SH3BGR: variants seen among roughly 807,000 people sequenced by gnomAD.
SH3BGR encodes SH3 domain binding glutamate rich protein.
SH3BGR carries 29 observed loss-of-function variants against 24.5 expected under a neutral mutation model. The ratio of observed to expected loss-of-function variants is 1.18; its 90% confidence interval spans 0.88 to 1.61. The LOEUF (loss-of-function observed/expected upper bound fraction) is 1.61, where lower values mean the gene tolerates loss of function less well. SH3BGR is among the 40% of genes most tolerant of loss of function. The probability of loss-of-function intolerance (pLI) is 0.00; values close to 1 mark genes in which losing one functional copy is unlikely to be tolerated. For synonymous variants in SH3BGR, 55 were observed against 65.7 expected, an observed-to-expected ratio of 0.84 and a Z score of 0.79; for missense variants, 162 against 205.8, an observed-to-expected ratio of 0.79 and a Z score of 1.30.
chr21:39,462,069 G>A (rs2077764477), intron 1 of SH3BGR, among the ~76,000 whole-genome samples: 1 of 151,944 alleles, frequency 6.6e-6, no homozygotes, highest in South Asian at 2.1e-4. Flanking sequence ...AGCTGGTGTC[G>A]AACCTCTGAC....
At chr21:39,469,483 T>A (rs1723436962) in intron 2 of SH3BGR, among the ~76,000 whole-genome samples, 1 of 151,574 alleles carries the variant, frequency 6.6e-6, no homozygotes, top group Non-Finnish European at 1.5e-5. Context: ...TTCTATACAC[T>A]TTTTTTTCCT....
chr21:39,456,271 CGA>C (rs1569148832), intron 1 of SH3BGR, among the ~76,000 whole-genome samples: 2 of 151,988 alleles, frequency 1.3e-5, no homozygotes, highest in African/African-American at 4.8e-5. Flanking sequence ...GGGTTTGGAC[CGA>C]ATAAAGGAGT....
intron 3 of SH3BGR, among the ~76,000 whole-genome samples, chr21:39,482,657 A>C (rs1289119734): frequency 6.6e-6 from 1 of 152,156 alleles, no homozygotes; most frequent in African/African-American, 2.4e-5. Context: ...AAATTTTCAT[A>C]ATGAAGAGCT....
intron 3 of SH3BGR, among the ~76,000 whole-genome samples, chr21:39,485,599 G>A (rs1243612658): frequency 3.3e-5 from 5 of 151,680 alleles, no homozygotes; most frequent in Non-Finnish European, 1.5e-5. Context: ...TGGATCTTGG[G>A]TTAGTCGTCT....
intron 4 of SH3BGR, among the ~76,000 whole-genome samples, chr21:39,500,927 T>C (rs2078484183): frequency 6.6e-6 from 1 of 152,320 alleles, no homozygotes. Flanking sequence ...TTTAGACTTA[T>C]ATTTGAAGTA....
chr21:39,505,540 A>G (rs112508136), intron 4 of SH3BGR, among the ~76,000 whole-genome samples: 12,813 of 152,154 alleles, frequency 0.084, 781 homozygotes, highest in African/African-American at 0.17. Context: ...AAGCGGGTGA[A>G]TCACCTGAAG....
intron 4 of SH3BGR, among the ~76,000 whole-genome samples, chr21:39,507,791 C>T (rs1283633522): frequency 6.6e-6 from 1 of 152,006 alleles, no homozygotes; most frequent in Non-Finnish European, 1.5e-5. Context: ...TAATTTTTAA[C>T]ATGTTTCATA....
chr21:39,494,231 C>CTCT (rs535727987), intron 3 of SH3BGR, among the ~76,000 whole-genome samples: 57,138 of 144,590 alleles, frequency 0.4, 12,091 homozygotes, highest in African/African-American at 0.54. Context: ...AGTCTTCTTC[C>CTCT]TCTTCTTCTT....
chr21:39,446,073 C>T (rs1480115404), exon 1 of SH3BGR: 7 of 152,028 alleles, frequency 4.6e-5, no homozygotes, highest in Admixed American at 2.6e-4. Context: ...AAGGCTCTGT[C>T]AGTCTTAGGT....
At position 39,511,062 on chromosome 21, in the gene SH3BGR, C is replaced by T. The variant is rs548542219; in HGVS notation, c.436-618C>T. 7.7e-4 allele frequency among the ~76,000 whole-genome samples: 115 copies of T among 149,248 alleles called. 1 individual carries two copies. Among genetic ancestry groups the T allele is most frequent in the African/African-American group, 2.7e-3 (112 of 41,170 alleles). On this transcript the variant is annotated intron_variant, in intron 5 of 6. Coordinates refer to ENST00000333634, the MANE Select transcript of SH3BGR (RefSeq NM_007341.3). The surrounding 1 kb of genome is among the most constrained non-coding windows in gnomAD (Gnocchi z 4.2). ...GGATTAACATATCATTCTAAAGCAC[C>T]ATTCTAAATTGAGGACTCTGTGTTT...
At position 39,496,448 on chromosome 21, in the gene SH3BGR, C is replaced by T. The variant is rs944446517; in HGVS notation, c.313-3375C>T. ...CCAGGAAGCGGAGCTTGCAGTGAGCCGAGATTGCGCCACCGCAGTCCGCAG... is the reference window on the plus strand; with the variant it reads ...CCAGGAAGCGGAGCTTGCAGTGAGCTGAGATTGCGCCACCGCAGTCCGCAG... On this transcript the variant is annotated intron_variant, in intron 3 of 6. Transcript: ENST00000333634. 1.8e-4 allele frequency among the ~76,000 whole-genome samples: 26 copies of T among 145,888 alleles called. No homozygotes were observed. In the East Asian group the frequency reaches 4.5e-3, roughly 25 times the overall value.
At chr21:39,484,160 G>C (rs918870434) in intron 3 of SH3BGR, among the ~76,000 whole-genome samples, 1 of 152,228 alleles carries the variant, frequency 6.6e-6, no homozygotes, top group Non-Finnish European at 1.5e-5. Flanking sequence ...GAAAAGGTCA[G>C]TGTGGAGTGA....
chr21:39,461,475 T>C (rs1602079549), intron 1 of SH3BGR, among the ~76,000 whole-genome samples: 2 of 152,130 alleles, frequency 1.3e-5, no homozygotes, highest in East Asian at 3.9e-4. Flanking sequence ...TTCCAGAATC[T>C]GGCAGCAGTC....
At chr21:39,456,487 T>C (rs1235317643) in intron 1 of SH3BGR, among the ~76,000 whole-genome samples, 1 of 152,208 alleles carries the variant, frequency 6.6e-6, no homozygotes, top group Non-Finnish European at 1.5e-5. Flanking sequence ...TGTCATCAGG[T>C]CTGATGGGAT....
At chr21:39,499,702 T>C (rs1191700484) in intron 3 of SH3BGR, 121 bp from the exon 4 acceptor site, 2 of 656,072 alleles carry the variant, frequency 3.0e-6, no homozygotes, top group Non-Finnish European at 5.2e-6. Context: ...GAGTGGGCAG[T>C]CTATGTTTGC....
At chr21:39,461,078 C>T (rs1268782893) in intron 1 of SH3BGR, among the ~76,000 whole-genome samples, 1 of 151,238 alleles carries the variant, frequency 6.6e-6, no homozygotes, top group East Asian at 1.9e-4. Context: ...ACGAGAGCAT[C>T]TCTATTCCAA....
In SH3BGR at chr21:39,454,074, A is replaced by G. The variant is rs865950986; in HGVS notation, c.45+1933A>G. 2.6e-5 allele frequency among the ~76,000 whole-genome samples: 4 copies of G among 152,222 alleles called. No homozygotes were observed. In the South Asian group the frequency reaches 6.2e-4, roughly 24 times the overall value. On this transcript the variant is annotated intron_variant, in intron 1 of 6. Coordinates refer to ENST00000333634, the MANE Select transcript of SH3BGR (RefSeq NM_007341.3). ...TCAGTATGTGTGAGAAGAATTTTCC[A>G]GAACCACATACATGAGAGAATTTCT... is the stretch of plus-strand genomic sequence containing the variant.
intron 3 of SH3BGR, among the ~76,000 whole-genome samples, chr21:39,491,208 G>A (rs560261279): frequency 2.1e-4 from 31 of 150,698 alleles, no homozygotes; most frequent in Admixed American, 9.3e-4. Context: ...TTTTAGAGAC[G>A]GAGTGATCTC....
intron 3 of SH3BGR, among the ~76,000 whole-genome samples, chr21:39,480,766 A>G (rs1316355362): frequency 6.6e-6 from 1 of 152,234 alleles, no homozygotes; most frequent in Non-Finnish European, 1.5e-5. Flanking sequence ...TTTACTCTAG[A>G]CTTACTGACC....
Sources: allele counts gnomAD v4.1 joint callset (sites outside exome capture counted in the v4.1 genomes callset), GRCh38; gene constraint gnomAD v4.1.1; non-coding constraint Gnocchi (gnomAD v3.1); transcripts MANE v1.5; gene names NCBI Gene and HGNC (gene_info 2026-07-23, HGNC 2026-07-21).